The following RAPGEFL1 variants were observed in gnomAD, a reference collection of about 807,000 sequenced individuals.
RAPGEFL1 encodes rap guanine nucleotide exchange factor-like 1.
RAPGEFL1 carries 31 observed loss-of-function variants against 64.4 expected under a neutral mutation model. The observed-to-expected ratio is 0.48, with a 90% CI of 0.36 to 0.65. The LOEUF (loss-of-function observed/expected upper bound fraction) is 0.65. Among genes scored for constraint, RAPGEFL1 ranks in the 30% least tolerant of loss-of-function variants. RAPGEFL1 has a pLI of 0.00. For missense variants in RAPGEFL1, 682 were observed against 677.4 expected (o/e 1.01, Z -0.08); for synonymous variants, 331 against 274.1 (o/e 1.21, Z -2.05).
chr17:40,185,783 CAAAAAAAAAA>C (rs750937174), intron 4 of RAPGEFL1, among the ~76,000 whole-genome samples: 2 of 48,912 alleles, frequency 4.1e-5, no homozygotes, highest in Non-Finnish European at 8.3e-5. Flanking sequence ...GATTCTGTCT[CAAAAAAAAAA>C]AAAAAAAAAA....
Position 40,195,329 on chromosome 17 carries a change from GC to G in RAPGEFL1, c.*1546del. 1.3e-5 allele frequency: 2 copies of G among 154,478 alleles called. No homozygotes were observed. The highest frequency in any genetic ancestry group is 2.9e-5 in the Non-Finnish European group (2 of 69,342). The allele number at this position is 154,478 out of a possible 1,614,324, so 9.6% of individuals were successfully genotyped here. ...CTCTTGCCCTGACAGTGTCCCATGG[GC>G]CCCCTTCTGCTCCCTGCCCCCTCCC... On this transcript the variant is annotated 3_prime_UTR_variant, in exon 15 of 15. Coordinates refer to ENST00000620260, the MANE Select transcript of RAPGEFL1 (RefSeq NM_016339.6).
intron 1 of RAPGEFL1, chr17:40,181,130 C>G (rs1359420073): frequency 8.6e-6 from 3 of 350,222 alleles, no homozygotes; most frequent in Non-Finnish European, 1.7e-5. Flanking sequence ...CCCTTTTAAT[C>G]AGGCTGGTTC....
chr17:40,179,014 G>A (rs559786280), intron 1 of RAPGEFL1, among the ~76,000 whole-genome samples: 1 of 152,256 alleles, frequency 6.6e-6, no homozygotes, highest in Non-Finnish European at 1.5e-5. Context: ...AGCATCCAGG[G>A]TGTCCAAGCG....
At chr17:40,192,849 G>C (rs1179816528) in intron 12 of RAPGEFL1, 77 bp from the exon 13 acceptor site, 1 of 1,392,966 alleles carries the variant, frequency 7.2e-7, no homozygotes, top group African/African-American at 1.4e-5. Flanking sequence ...GGAAGAGCGG[G>C]GTCCTCGGGT....
Position 40,177,721 on chromosome 17 carries a change from C to G in RAPGEFL1, c.-141C>G. ...GACTCTGGCCAGCGAGGCTCGGCCC[C>G]TCTGGCCCCCAGTCTGGCGCCTGGC... On this transcript the variant is annotated 5_prime_UTR_variant, in exon 1 of 15. Coordinates refer to ENST00000620260, the MANE Select transcript of RAPGEFL1 (RefSeq NM_016339.6). 1 of 409,040 alleles carries G rather than the reference C, an allele frequency of 2.4e-6. No homozygotes were observed. Among genetic ancestry groups the G allele is most frequent in the East Asian group, 3.6e-5 (1 of 28,102 alleles). 25.3% of individuals were successfully genotyped at this position (409,040 alleles called of 1,614,324 possible). A position where few individuals can be genotyped will look rare whatever the true frequency, so the allele number is the denominator to read the frequency against.
rs145418556 is a variant in RAPGEFL1, at chr17:40,185,644, C to T, written c.833+966C>T. Among the ~76,000 whole-genome samples the T allele has an allele frequency of 6.5e-4, 98 of 151,048 alleles. 1 individual carries two copies. The highest frequency in any genetic ancestry group is 1.9e-3 in the Admixed American group (29 of 15,102). On this transcript the variant is annotated intron_variant, in intron 4 of 14. Coordinates refer to ENST00000620260, the MANE Select transcript of RAPGEFL1 (RefSeq NM_016339.6). ...ACTAAAAATACAAAAATTAGCTGGG[C>T]GTGGTAGGGCGCTCCTGTAGTCCCA...
chr17:40,179,409 A>G (rs1207266330), intron 1 of RAPGEFL1, among the ~76,000 whole-genome samples: 3 of 150,230 alleles, frequency 2.0e-5, no homozygotes, highest in African/African-American at 7.4e-5. Flanking sequence ...GGTTTCACCA[A>G]CTTGGTCAGG....
intron 5 of RAPGEFL1, 97 bp from the exon 6 acceptor site, chr17:40,189,111 C>T: frequency 1.3e-6 from 2 of 1,485,324 alleles, no homozygotes; most frequent in Admixed American, 3.4e-5. Context: ...TCTTCAGAGG[C>T]CAGCCTCTGG....
Position 40,193,706 on chromosome 17 carries a change from C to A in RAPGEFL1, c.1907C>A (p.Ala636Asp). 1.2e-6 allele frequency: 2 copies of A among 1,614,050 alleles called. No homozygotes were observed. The highest frequency in any genetic ancestry group is 1.7e-6 in the Non-Finnish European group (2 of 1,179,992). ...EASPNHLQTK[A>D]YVRQFQVIDN... Reference sequence around the variant, plus strand: ...TCCCCCAATCACCTGCAGACCAAGGCCTATGTGCGCCAGTTTCAGGTCATC... The same window carrying A: ...TCCCCCAATCACCTGCAGACCAAGGACTATGTGCGCCAGTTTCAGGTCATC... The change falls in exon 15 of 15, where the codon GCC becomes GAC. Residue 636 changes from alanine (A) to aspartate (D), a missense_variant. Around this residue, in one of 2 missense-constraint regions of RAPGEFL1, gnomAD observed 411 missense variants for 519.4 expected, o/e 0.79. Transcript: ENST00000620260.
Position 40,193,359 on chromosome 17 carries a change from C to G in RAPGEFL1, c.1810-4C>G, listed in dbSNP as rs770687100. ...TTCAAGGCTCATTCCTTGTCATCTC[C>G]CAGCATTCAGTGGCCGAAAAAGTGA... On this transcript the variant is annotated splice_region_variant and splice_polypyrimidine_tract_variant and intron_variant, in intron 13 of 14. Coordinates refer to ENST00000620260, the MANE Select transcript of RAPGEFL1 (RefSeq NM_016339.6). 4.3e-6 allele frequency: 7 copies of G among 1,614,166 alleles called. No homozygotes were observed. The highest frequency in any genetic ancestry group is 3.3e-5 in the Admixed American group (2 of 60,026).
At chr17:40,177,291 C>CAGA (rs1251041303), upstream of RAPGEFL1, 1 of 702,452 alleles carries the variant, frequency 1.4e-6, no homozygotes, top group Admixed American at 2.0e-5. Flanking sequence ...ATTGGTAAAT[C>CAGA]TCTGACTTAC....
chr17:40,190,596 C>T (rs1472776771), intron 7 of RAPGEFL1, 44 bp from the exon 8 acceptor site: 2 of 1,614,028 alleles, frequency 1.2e-6, no homozygotes, highest in Non-Finnish European at 1.7e-6. Flanking sequence ...AATCCCTCAC[C>T]CTGCCACCAG....
chr17:40,183,922 C>T (rs1260297543), intron 2 of RAPGEFL1, among the ~76,000 whole-genome samples: 1 of 138,956 alleles, frequency 7.2e-6, no homozygotes, highest in Non-Finnish European at 1.5e-5. Context: ...TGGCTCACTG[C>T]AACCTCTGCC....
Position 40,192,579 on chromosome 17 carries a change from C to T in RAPGEFL1, c.1657-27C>T, listed in dbSNP as rs779066766. ...TTGGGATGCATTGGCCAGTCTGTCC[C>T]TTGATCTCTCTCCTGTGGAATACTA... is the stretch of plus-strand genomic sequence containing the variant. On this transcript the variant is annotated intron_variant, in intron 11 of 14. Transcript: ENST00000620260. 6 of 1,587,952 alleles carry T rather than the reference C, an allele frequency of 3.8e-6. 1 individual carries two copies. Among genetic ancestry groups the T allele is most frequent in the Middle Eastern group, 1.7e-4 (1 of 5,964 alleles).
At chr17:40,182,976 C>T (rs981493716) in intron 2 of RAPGEFL1, among the ~76,000 whole-genome samples, 3 of 151,956 alleles carry the variant, frequency 2.0e-5, no homozygotes, top group Admixed American at 6.6e-5. Context: ...GGTGAAACTC[C>T]GTCTCTACTA....
At chr17:40,192,577 C>T (rs1298591865) in intron 11 of RAPGEFL1, 29 bp from the exon 12 acceptor site, 3 of 1,578,324 alleles carry the variant, frequency 1.9e-6, no homozygotes, top group Non-Finnish European at 2.6e-6. Context: ...GCCAGTCTGT[C>T]CCTTGATCTC....
rs748288563 is a variant in RAPGEFL1, at chr17:40,194,122, C to A, written c.*334C>A. Reference sequence around the variant, plus strand: ...TTGCAGCAGGAAAGAATGCTGCTCACCCTTCTGTCTTGCAGAGTGGGATTG... The same window carrying A: ...TTGCAGCAGGAAAGAATGCTGCTCAACCTTCTGTCTTGCAGAGTGGGATTG... On this transcript the variant is annotated 3_prime_UTR_variant, in exon 15 of 15. Coordinates refer to ENST00000620260, the MANE Select transcript of RAPGEFL1 (RefSeq NM_016339.6). 20 of 279,952 alleles carry A rather than the reference C, an allele frequency of 7.1e-5. No individual in the cohort carries two copies. The highest frequency in any genetic ancestry group is 9.7e-5 in the Non-Finnish European group (14 of 143,636). The allele number at this position is 279,952 out of a possible 1,614,324, so 17.3% of individuals were successfully genotyped here.
intron 13 of RAPGEFL1, 124 bp downstream of exon 13, chr17:40,193,114 G>A (rs970133720): frequency 9.5e-7 from 1 of 1,049,984 alleles, no homozygotes; most frequent in Non-Finnish European, 1.5e-6. Flanking sequence ...ACAGACTCTT[G>A]ACTGTCTCCC....
Position 40,184,320 on chromosome 17 carries a change from G to A in RAPGEFL1, c.706G>A (p.Glu236Lys). 1 of 1,613,388 alleles carries A rather than the reference G, an allele frequency of 6.2e-7. No homozygotes were observed. Among genetic ancestry groups the A allele is most frequent in the East Asian group, 2.2e-5 (1 of 44,856 alleles). The change falls in exon 3 of 15, where the codon GAG (glutamate) becomes AAG (lysine). Residue 236 changes from glutamate to lysine, a missense_variant. This residue lies in a region of RAPGEFL1 where 271 missense variants were observed against 158.0 expected (regional missense o/e 1.72). Coordinates refer to ENST00000620260, the MANE Select transcript of RAPGEFL1 (RefSeq NM_016339.6). ...FLDTYQGLLQEEEGAGHIIKD... is the reference protein window; with the variant it reads ...FLDTYQGLLQKEEGAGHIIKD... Reference sequence around the variant, plus strand: ...GGACACCTACCAGGGGCTGCTTCAAGAGGAAGAGGGGGCCGGCCACATCAT... The same window carrying A: ...GGACACCTACCAGGGGCTGCTTCAAAAGGAAGAGGGGGCCGGCCACATCAT...
Sources: allele counts gnomAD v4.1 joint callset (sites outside exome capture counted in the v4.1 genomes callset), GRCh38; gene constraint gnomAD v4.1.1; regional missense constraint gnomAD v4.1.1; transcripts MANE v1.5; gene names NCBI Gene and HGNC (gene_info 2026-07-23, HGNC 2026-07-21).